The following PTPN14 variants were observed in gnomAD, a reference collection of about 807,000 sequenced individuals.
PTPN14 encodes the protein tyrosine-protein phosphatase non-receptor type 14.
In PTPN14, 53 loss-of-function variants were observed where a neutral mutation model predicts 126.8. That is an observed-to-expected ratio of 0.42 (90% CI 0.34 to 0.53). The LOEUF is 0.53. Ranked by LOEUF, PTPN14 falls within the 20% of genes least tolerant of loss-of-function variation. The probability of loss-of-function intolerance (pLI) is 0.08; values close to 1 mark genes in which losing one functional copy is unlikely to be tolerated. For synonymous variants in PTPN14, 630 were observed against 599.3 expected (o/e 1.05, Z -0.75); for missense variants, 1,257 against 1,552.9 (o/e 0.81, Z 3.20).
At chr1:214,386,951 G>A in intron 11 of PTPN14, 29 bp from the exon 12 acceptor site, 2 of 1,543,948 alleles carry the variant, frequency 1.3e-6, no homozygotes, top group Non-Finnish European at 1.8e-6. Flanking sequence ...AGGAGGTGGG[G>A]AGGCCTGGGC....
At chr1:214,410,440 G>A (rs1659281247) in intron 5 of PTPN14, among the ~76,000 whole-genome samples, 1 of 151,920 alleles carries the variant, frequency 6.6e-6, no homozygotes, top group Admixed American at 6.6e-5. Context: ...CTAGAGGTGT[G>A]TGCCACCAAG....
intron 13 of PTPN14, 108 bp from the exon 14 acceptor site, chr1:214,378,210 A>C: frequency 1.5e-6 from 2 of 1,372,714 alleles, no homozygotes; most frequent in Non-Finnish European, 2.0e-6. Context: ...AATGCAGACA[A>C]TCACCATCAG....
At chr1:214,485,348 G>A (rs544016739) in intron 1 of PTPN14, among the ~76,000 whole-genome samples, 19 of 152,298 alleles carry the variant, frequency 1.2e-4, no homozygotes, top group African/African-American at 3.8e-4. Flanking sequence ...TGCTTCTAGC[G>A]GAAGGAAGGA....
intron 13 of PTPN14, among the ~76,000 whole-genome samples, chr1:214,380,765 G>A (rs1424130109): frequency 6.6e-6 from 1 of 152,256 alleles, no homozygotes; most frequent in Admixed American, 6.5e-5. Flanking sequence ...GAGGAGAGCA[G>A]AGAAGTATCT....
chr1:214,520,065 A>AAAAAATATATATATATATATATATATAT, intron 1 of PTPN14, among the ~76,000 whole-genome samples: 1 of 71,112 alleles, frequency 1.4e-5, no homozygotes, highest in Admixed American at 1.6e-4. Context: ...AAAAAAAAAA[A>AAAAAATATATATATATATATATATATAT]ATATATATAT....
chr1:214,467,983 A>G (rs531448445), intron 1 of PTPN14, among the ~76,000 whole-genome samples: 2 of 152,358 alleles, frequency 1.3e-5, no homozygotes, highest in African/African-American at 4.8e-5. Context: ...GTAGAATAAA[A>G]GAGATTTAGG....
chr1:214,416,574 C>A (rs1659430711), intron 3 of PTPN14, among the ~76,000 whole-genome samples: 1 of 152,114 alleles, frequency 6.6e-6, no homozygotes, highest in South Asian at 2.1e-4. Flanking sequence ...CAGGAACATT[C>A]CTAATCATGT....
At chr1:214,493,123 C>CA (rs1273693534) in intron 1 of PTPN14, among the ~76,000 whole-genome samples, 2 of 152,082 alleles carry the variant, frequency 1.3e-5, no homozygotes, top group Non-Finnish European at 2.9e-5. Context: ...TCAGAAGGCC[C>CA]AAATTGGGCT....
chr1:214,548,737 T>TA lies in PTPN14; in HGVS notation c.-155+2445dup, dbSNP rs199615598. ...AATAAGGAAGGAAGGCACTGGAAAA[T>TA]AAAAAATCCTCATAGTTCTTGACAC... is the stretch of plus-strand genomic sequence containing the variant. On this transcript the variant is annotated intron_variant, in intron 1 of 18. Transcript: ENST00000366956. Among the ~76,000 whole-genome samples the TA allele has an allele frequency of 8.4e-3, 1,274 of 152,118 alleles. 14 individuals are homozygous for TA. The highest frequency in any genetic ancestry group is 0.014 in the Non-Finnish European group (939 of 67,978).
intron 5 of PTPN14, among the ~76,000 whole-genome samples, chr1:214,409,368 T>C (rs1659243688): frequency 6.6e-6 from 1 of 152,240 alleles, no homozygotes; most frequent in African/African-American, 2.4e-5. Context: ...TAGCATAATG[T>C]ACTCTACATT....
At chr1:214,462,020 G>A (rs1014433583) in intron 2 of PTPN14, among the ~76,000 whole-genome samples, 1 of 152,138 alleles carries the variant, frequency 6.6e-6, no homozygotes, top group Non-Finnish European at 1.5e-5. Context: ...CAAAGTATCA[G>A]ATTACTCTAT....
chr1:214,366,541 C>T (rs1658084966), intron 17 of PTPN14, among the ~76,000 whole-genome samples: 1 of 152,010 alleles, frequency 6.6e-6, no homozygotes, highest in Non-Finnish European at 1.5e-5. Flanking sequence ...AGACTTCTGG[C>T]GGGCAGTAAA....
At chr1:214,528,940 A>C (rs1476983922) in intron 1 of PTPN14, 2 of 152,140 alleles carry the variant, frequency 1.3e-5, no homozygotes, top group African/African-American at 4.8e-5. Context: ...CAAAAAAAAA[A>C]AAAAGAATTG....
chr1:214,418,230 C>A (rs550183644), intron 3 of PTPN14, among the ~76,000 whole-genome samples: 6 of 152,148 alleles, frequency 3.9e-5, no homozygotes, highest in Non-Finnish European at 8.8e-5. Flanking sequence ...GAGCCCTGGG[C>A]AAAGACAGCT....
intron 15 of PTPN14, among the ~76,000 whole-genome samples, chr1:214,375,386 C>A (rs1283342521): frequency 1.3e-5 from 2 of 152,170 alleles, no homozygotes; most frequent in African/African-American, 4.8e-5. Flanking sequence ...ATCAATTGAA[C>A]CTTGTGTTAT....
At chr1:214,550,471 G>A (rs929271151) in intron 1 of PTPN14, among the ~76,000 whole-genome samples, 5 of 152,182 alleles carry the variant, frequency 3.3e-5, no homozygotes, top group Non-Finnish European at 7.3e-5. Context: ...TTACCTCACT[G>A]CTCTCTCCAA....
chr1:214,541,462 C>G (rs1050429525), intron 1 of PTPN14, among the ~76,000 whole-genome samples: 1 of 152,126 alleles, frequency 6.6e-6, no homozygotes, highest in Non-Finnish European at 1.5e-5. Context: ...CCTCCCACAT[C>G]CCTGAGTATG....
intron 1 of PTPN14, among the ~76,000 whole-genome samples, chr1:214,496,840 C>T (rs2102425266): frequency 6.6e-6 from 1 of 151,654 alleles, no homozygotes; most frequent in East Asian, 1.9e-4. Flanking sequence ...AAAAATATAT[C>T]AATTTTCATG....
rs962558209 is a variant in PTPN14 at position 214,450,380 on chromosome 1, G to A, written c.344+1425C>T. The stretch of plus-strand genomic sequence containing the variant: ...CCAGCCACTCGGGAGGCTGAGGCAC[G>A]AGAATCGCTTGAACCTGGGAGGTGG... On this transcript the variant is annotated intron_variant, in intron 3 of 18. Coordinates refer to ENST00000366956, the MANE Select transcript of PTPN14 (RefSeq NM_005401.5). Among the ~76,000 whole-genome samples the A allele has an allele frequency of 4.6e-5, 7 of 151,476 alleles. No individual in the cohort carries two copies. In the East Asian group the frequency reaches 1.2e-3, roughly 25 times the overall value.
Sources: gnomAD v4.1 joint callset for allele counts (sites outside exome capture counted in the v4.1 genomes callset) on GRCh38, gnomAD v4.1.1 for gene constraint, MANE v1.5 for transcripts, NCBI Gene and HGNC (gene_info 2026-07-23, HGNC 2026-07-21) for gene names.